The following TMSB15B variants were observed in gnomAD, a reference collection of about 807,000 sequenced individuals.
TMSB15B encodes thymosin beta 15B.
intron 1 of TMSB15B, chrX:103,932,099 A>G (rs1376427710): frequency 8.9e-6 from 1 of 111,815 alleles, no homozygotes; most frequent in Non-Finnish European, 1.9e-5. Context: ...ATCCTTTATA[A>G]TAAACTGGTC....
intron 1 of TMSB15B, chrX:103,928,506 G>A: frequency 8.3e-7 from 1 of 1,200,005 alleles, no homozygotes; most frequent in Non-Finnish European, 1.1e-6. Flanking sequence ...CCTTTGAAAG[G>A]GTGCAAAATG....
intron 1 of TMSB15B, among the ~76,000 whole-genome samples, chrX:103,947,361 A>G (rs2075028120): frequency 9.0e-6 from 1 of 111,514 alleles, no homozygotes; most frequent in Non-Finnish European, 1.9e-5. Context: ...GGGCATAGTG[A>G]CTGGAAAGGA....
chrX:103,935,423 A>G (rs1222330927), intron 1 of TMSB15B, among the ~76,000 whole-genome samples: 3 of 111,968 alleles, frequency 2.7e-5, no homozygotes, highest in Admixed American at 9.5e-5. Flanking sequence ...GCCCATGCCT[A>G]TGTCCTGAGT....
intron 1 of TMSB15B, among the ~76,000 whole-genome samples, chrX:103,922,430 C>A (rs2074956205): frequency 1.0e-5 from 1 of 97,374 alleles, no homozygotes; most frequent in Admixed American, 1.2e-4. Flanking sequence ...TTGTTCAATT[C>A]CCACCTATGA....
intron 1 of TMSB15B, among the ~76,000 whole-genome samples, chrX:103,920,350 A>G (rs1362382738): frequency 8.9e-6 from 1 of 111,908 alleles, no homozygotes; most frequent in African/African-American, 3.3e-5. Context: ...ATTTTGATGT[A>G]CTAGGACTAC....
intron 1 of TMSB15B, among the ~76,000 whole-genome samples, chrX:103,937,721 TG>T (rs1393845093): frequency 1.8e-5 from 2 of 111,769 alleles, no homozygotes; most frequent in Non-Finnish European, 3.8e-5. Flanking sequence ...CTTTTGAATT[TG>T]TTTGCTCTTG....
chrX:103,942,867 T>C (rs1176628092), intron 1 of TMSB15B, among the ~76,000 whole-genome samples: 14 of 111,771 alleles, frequency 1.3e-4, no homozygotes, highest in Non-Finnish European at 1.9e-4. Flanking sequence ...GTTTCTTACA[T>C]ATAATGTCCT....
intron 1 of TMSB15B, among the ~76,000 whole-genome samples, chrX:103,937,219 G>T (rs1352470377): frequency 8.9e-6 from 1 of 111,933 alleles, no homozygotes; most frequent in Non-Finnish European, 1.9e-5. Flanking sequence ...TGTTTCTATT[G>T]TTTGGAATAG....
chrX:103,943,096 T>C (rs1216556996), intron 1 of TMSB15B, among the ~76,000 whole-genome samples: 7 of 111,784 alleles, frequency 6.3e-5, no homozygotes, highest in Admixed American at 2.8e-4. Flanking sequence ...AACTCTGAGA[T>C]AGAGTACATG....
chrX:103,923,560 A>G (rs1393227685), intron 1 of TMSB15B, among the ~76,000 whole-genome samples: 2 of 111,444 alleles, frequency 1.8e-5, no homozygotes, highest in African/African-American at 3.3e-5. Context: ...CCATTGGTCT[A>G]TATCTCTGTT....
intron 1 of TMSB15B, chrX:103,932,988 A>G (rs1159317817): frequency 3.2e-4 from 36 of 111,942 alleles, no homozygotes; most frequent in African/African-American, 1.1e-3. Flanking sequence ...GTCTAAATAT[A>G]AGCTACATCA....
intron 1 of TMSB15B, chrX:103,928,659 G>C: frequency 2.6e-6 from 3 of 1,155,509 alleles, no homozygotes; most frequent in Non-Finnish European, 3.5e-6. Context: ...ACAGCCTGGG[G>C]AGCACTCTAT....
At chrX:103,933,860 G>A (rs1416908207) in intron 1 of TMSB15B, among the ~76,000 whole-genome samples, 1 of 93,601 alleles carries the variant, frequency 1.1e-5, no homozygotes, top group East Asian at 3.2e-4. Context: ...CAATTCATTC[G>A]TTTTATTGAT....
intron 1 of TMSB15B, among the ~76,000 whole-genome samples, chrX:103,939,010 T>C (rs782216069): frequency 8.9e-5 from 10 of 112,399 alleles, no homozygotes; most frequent in Non-Finnish European, 1.1e-4. Flanking sequence ...GAAGGGTTTA[T>C]GCTGAGAGAT....
chrX:103,924,776 G>A (rs2074963505), intron 1 of TMSB15B, among the ~76,000 whole-genome samples: 1 of 111,611 alleles, frequency 9.0e-6, no homozygotes, highest in South Asian at 3.9e-4. Flanking sequence ...GGCTCGGACA[G>A]TCTGGAATCC....
chrX:103,950,829 T>C (rs1556328184), intron 1 of TMSB15B, among the ~76,000 whole-genome samples: 1 of 110,539 alleles, frequency 9.0e-6, no homozygotes. Context: ...ACATTGATAA[T>C]GCTGGAGTTG....
intron 1 of TMSB15B, among the ~76,000 whole-genome samples, chrX:103,930,861 T>C (rs1190415686): frequency 9.0e-6 from 1 of 110,991 alleles, no homozygotes; most frequent in Non-Finnish European, 1.9e-5. Flanking sequence ...CACAAACAGA[T>C]TCACAATATA....
At chrX:103,925,109 C>G (rs782645254) in intron 1 of TMSB15B, among the ~76,000 whole-genome samples, 6 of 111,663 alleles carry the variant, frequency 5.4e-5, no homozygotes, top group Non-Finnish European at 1.1e-4. Context: ...TTTATCGAGG[C>G]CACTATATTA....
At chrX:103,935,148 A>G (rs6616501) in intron 1 of TMSB15B, among the ~76,000 whole-genome samples, 18,979 of 111,648 alleles carry the variant, frequency 0.17, 1,327 homozygotes, top group Non-Finnish European at 0.23. Context: ...CTTCTTTTGA[A>G]AAGTGTCTGT....
Sources: allele counts gnomAD v4.1 joint callset (sites outside exome capture counted in the v4.1 genomes callset), GRCh38; gene constraint gnomAD v4.1.1; transcripts MANE v1.5; gene names NCBI Gene and HGNC (gene_info 2026-07-23, HGNC 2026-07-21).